The following IQCJ variants were observed in gnomAD, a reference collection of about 807,000 sequenced individuals.
IQCJ encodes IQ motif containing J, also known as IQ domain-containing protein J.
IQCJ carries 9 observed loss-of-function variants against 11.0 expected under a neutral mutation model. That is an observed-to-expected ratio of 0.82 (90% CI 0.49 to 1.43). The LOEUF (loss-of-function observed/expected upper bound fraction) is 1.43, where lower values mean the gene tolerates loss of function less well. IQCJ is among the 40% of genes most tolerant of loss of function. IQCJ has a pLI of 0.00. For missense variants in IQCJ, 146 were observed against 133.2 expected (o/e 1.10, Z -0.47); for synonymous variants, 55 against 51.3 (o/e 1.07, Z -0.31).
chr3:159,085,953 TG>T (rs1716728358), intron 1 of IQCJ, among the ~76,000 whole-genome samples: 1 of 152,140 alleles, frequency 6.6e-6, no homozygotes, highest in Non-Finnish European at 1.5e-5. Context: ...TGGCTTTTGT[TG>T]CTATTGCTTT....
intron 1 of IQCJ, among the ~76,000 whole-genome samples, chr3:159,102,838 G>C (rs1432729686): frequency 6.6e-6 from 1 of 152,070 alleles, no homozygotes; most frequent in East Asian, 1.9e-4. Flanking sequence ...TGACATTTTT[G>C]CCTTGAGTGA....
intron 1 of IQCJ, among the ~76,000 whole-genome samples, chr3:159,157,502 T>C (rs1365886625): frequency 2.0e-5 from 3 of 152,160 alleles, no homozygotes; most frequent in Non-Finnish European, 2.9e-5. Flanking sequence ...ATATGATGAG[T>C]AGTGAACTCA....
chr3:159,089,487 T>G (rs533107687), intron 1 of IQCJ, among the ~76,000 whole-genome samples: 1 of 152,114 alleles, frequency 6.6e-6, no homozygotes, highest in Non-Finnish European at 1.5e-5. Flanking sequence ...ATTGGGGAAG[T>G]TCTCCTGGAT....
intron 1 of IQCJ, among the ~76,000 whole-genome samples, chr3:159,160,584 A>G (rs1270385671): frequency 6.6e-6 from 1 of 151,816 alleles, no homozygotes; most frequent in African/African-American, 2.4e-5. Flanking sequence ...CACAATGTGC[A>G]GGTTAGTTAC....
intron 2 of IQCJ, among the ~76,000 whole-genome samples, chr3:159,248,320 T>C (rs764557561): frequency 3.3e-5 from 5 of 152,216 alleles, no homozygotes; most frequent in Non-Finnish European, 7.3e-5. Context: ...TGTCATCAGA[T>C]TGAAAGGAAG....
downstream of IQCJ, among the ~76,000 whole-genome samples, chr3:159,264,878 C>A (rs1254936690): frequency 6.6e-6 from 1 of 150,730 alleles, no homozygotes; most frequent in African/African-American, 2.5e-5. Flanking sequence ...GATTGCGCCA[C>A]TGCACTCCAG....
At chr3:159,187,470 G>T (rs1205634596) in intron 1 of IQCJ, among the ~76,000 whole-genome samples, 1 of 152,208 alleles carries the variant, frequency 6.6e-6, no homozygotes, top group East Asian at 1.9e-4. Flanking sequence ...GTGACTACAC[G>T]TCCTTTTCAA....
chr3:159,242,895 C>G (rs980088235), intron 1 of IQCJ, among the ~76,000 whole-genome samples: 13 of 151,972 alleles, frequency 8.6e-5, no homozygotes, highest in African/African-American at 2.4e-4. Flanking sequence ...GAAATATTAG[C>G]AACACATACA....
rs923393808 is a variant in IQCJ, at chr3:159,089,773, G to T, written c.9+20332G>T. Among the ~76,000 whole-genome samples, 4 of 151,506 alleles carry T rather than the reference G, an allele frequency of 2.6e-5. 1 individual carries two copies. Among genetic ancestry groups the T allele is most frequent in the African/African-American group, 9.8e-5 (4 of 40,938 alleles). ...AGAGCCTTGGTTTTCAGCTCCATCA[G>T]CTCCTTTAAGCACTTCTCTGTATTG... is the stretch of plus-strand genomic sequence containing the variant. On this transcript the variant is annotated intron_variant, in intron 1 of 3. Transcript: ENST00000397832.
chr3:159,182,325 C>T (rs774073729), intron 1 of IQCJ, among the ~76,000 whole-genome samples: 5 of 151,976 alleles, frequency 3.3e-5, no homozygotes, highest in Non-Finnish European at 5.9e-5. Flanking sequence ...TCTTTCTCCA[C>T]ATGGGAGCTC....
intron 1 of IQCJ, among the ~76,000 whole-genome samples, chr3:159,124,798 G>T (rs1719578480): frequency 6.6e-6 from 1 of 152,196 alleles, no homozygotes; most frequent in Non-Finnish European, 1.5e-5. Context: ...ATAAATGTAT[G>T]AATGACTCAA....
chr3:159,204,246 C>T (rs1724520534), intron 1 of IQCJ, among the ~76,000 whole-genome samples: 1 of 152,230 alleles, frequency 6.6e-6, no homozygotes, highest in South Asian at 2.1e-4. Flanking sequence ...TAGCTTCTCT[C>T]TGCTCCTTCT....
intron 1 of IQCJ, among the ~76,000 whole-genome samples, chr3:159,089,202 G>A (rs1460615539): frequency 3.9e-5 from 6 of 152,162 alleles, no homozygotes; most frequent in East Asian, 3.9e-4. Context: ...TGGATATGAA[G>A]TTCTGGGTTG....
intron 1 of IQCJ, among the ~76,000 whole-genome samples, chr3:159,142,426 C>A (rs909449581): frequency 3.7e-5 from 3 of 81,012 alleles, no homozygotes; most frequent in South Asian, 3.8e-4. Context: ...GGTCTTTTCC[C>A]CCCCCCACCA....
rs570815390 is a variant in IQCJ at position 159,095,373 on chromosome 3, T to A, written c.9+25932T>A. On this transcript the variant is annotated intron_variant, in intron 1 of 3. Transcript: ENST00000397832. ...AATTTATTTTATTTTATTTTATTTT[T>A]TTTATTATACTCTAAGTTTTAGGGT... is the stretch of plus-strand genomic sequence containing the variant. Among the ~76,000 whole-genome samples, 6 of 151,268 alleles carry A rather than the reference T, an allele frequency of 4.0e-5. 1 individual carries two copies. The highest frequency in any genetic ancestry group is 2.6e-4 in the Admixed American group (4 of 15,232).
At chr3:159,254,449 T>C (rs1024494827) in intron 3 of IQCJ, among the ~76,000 whole-genome samples, 1 of 152,206 alleles carries the variant, frequency 6.6e-6, no homozygotes, top group African/African-American at 2.4e-5. Flanking sequence ...GGTTTTTATC[T>C]CTTCTAATAA....
intron 2 of IQCJ, among the ~76,000 whole-genome samples, chr3:159,247,385 G>A (rs146794900): frequency 2.3e-4 from 35 of 152,248 alleles, no homozygotes; most frequent in Admixed American, 7.9e-4. Flanking sequence ...GTGAGCCACC[G>A]CGCCGGTCTA....
downstream of IQCJ, chr3:159,265,420 T>G (rs1395922584): frequency 1.9e-6 from 3 of 1,602,464 alleles, 1 homozygote; most frequent in South Asian, 3.3e-5. Flanking sequence ...CTCAAGTTTA[T>G]GGAGGGAATA....
chr3:159,091,306 A>G (rs1717265214), intron 1 of IQCJ, among the ~76,000 whole-genome samples: 1 of 151,834 alleles, frequency 6.6e-6, no homozygotes, highest in Non-Finnish European at 1.5e-5. Context: ...TCTGCAGGCT[A>G]GAAGTCCAAG....
Sources: gnomAD v4.1 joint callset for allele counts (sites outside exome capture counted in the v4.1 genomes callset) on GRCh38, gnomAD v4.1.1 for gene constraint, MANE v1.5 for transcripts, NCBI Gene and HGNC (gene_info 2026-07-23, HGNC 2026-07-21) for gene names.